UBE4A: variants seen among roughly 807,000 people sequenced by gnomAD.
The protein encoded by UBE4A is ubiquitin conjugation factor E4 A.
A neutral mutation model predicts 117.9 loss-of-function variants in UBE4A; 48 were observed. The ratio of observed to expected loss-of-function variants is 0.41; its 90% CI spans 0.32 to 0.52. UBE4A has a LOEUF of 0.52. Among genes scored for constraint, UBE4A ranks in the 20% least tolerant of loss-of-function variants. The pLI, the probability that UBE4A is intolerant of heterozygous loss-of-function variation, is 0.33. For synonymous variants in UBE4A, 407 were observed against 450.0 expected (o/e 0.90, Z 1.21); for missense variants, 1,067 against 1,296.3 (o/e 0.82, Z 2.72).
chr11:118,382,680 A>G lies in UBE4A; in HGVS notation c.2101A>G (p.Ser701Gly). 1.2e-6 allele frequency: 2 copies of G among 1,606,218 alleles called. No homozygotes were observed. The highest frequency in any genetic ancestry group is 1.7e-6 in the Non-Finnish European group (2 of 1,175,820). Residue 701 changes from serine to glycine, a missense_variant, in exon 13 of 20, where the codon AGT becomes GGT. Physicochemically the swap from Ser to Gly is moderately conservative, Grantham distance 56. This residue lies in a region of UBE4A where 1,001 missense variants were observed against 1,184.0 expected (regional missense o/e 0.85). Coordinates refer to ENST00000252108, the MANE Select transcript of UBE4A (RefSeq NM_001204077.2). ...TCAGACCCCAAATCCCTTGGTATCC[A>G]GTGTGTTCCACCGGAAACGTGTGTT... ...LDQTPNPLVS[S>G]VFHRKRVFCN...
intron 2 of UBE4A, among the ~76,000 whole-genome samples, chr11:118,366,393 TG>T (rs1003078482): frequency 2.0e-5 from 3 of 152,184 alleles, no homozygotes; most frequent in Non-Finnish European, 2.9e-5. Flanking sequence ...CTGTCACCAT[TG>T]GAGGTCAGAG....
Position 118,373,328 on chromosome 11 carries a change from G to A in UBE4A, c.924+40G>A, listed in dbSNP as rs1413921477. 2.5e-6 allele frequency: 4 copies of A among 1,597,614 alleles called. No homozygotes were observed. The Admixed American group carries it at 6.7e-5, about 27-fold the overall frequency. ...TGATATGTATTCAGTTGAGCTAGAT[G>A]TGTAATACATGATGCTTCCCTATCC... On this transcript the variant is annotated intron_variant, in intron 7 of 19. Coordinates refer to ENST00000252108, the MANE Select transcript of UBE4A (RefSeq NM_001204077.2).
Position 118,373,308 on chromosome 11 carries a change from T to G in UBE4A, c.924+20T>G, listed in dbSNP as rs1187547903. The G allele has an allele frequency of 6.2e-7, 1 of 1,608,714 alleles. No individual in the cohort carries two copies. The highest frequency in any genetic ancestry group is 8.5e-7 in the Non-Finnish European group (1 of 1,177,494). On this transcript the variant is annotated intron_variant, in intron 7 of 19. Coordinates refer to ENST00000252108, the MANE Select transcript of UBE4A (RefSeq NM_001204077.2). ...GCAAAGGTAGGTCTGAAAGATGATA[T>G]GTATTCAGTTGAGCTAGATGTGTAA... is the stretch of plus-strand genomic sequence containing the variant.
Position 118,394,772 on chromosome 11 carries a change from C to CAA in UBE4A, c.3075-1527_3075-1526dup, listed in dbSNP as rs201405273. Among the ~76,000 whole-genome samples, 202 of 105,576 alleles carry CAA rather than the reference C, an allele frequency of 1.9e-3. 1 individual carries two copies. The highest frequency in any genetic ancestry group is 3.8e-3 in the East Asian group (16 of 4,256). The allele number at this position is 105,576 out of a possible 152,430, so 69.3% of individuals were successfully genotyped here. ...CTGGGTGACAGAGCGAGACTCGTCTCAAAAAAAAAAAAAAAATTAAGTTAT... is the reference window on the plus strand; with the variant it reads ...CTGGGTGACAGAGCGAGACTCGTCTCAAAAAAAAAAAAAAAAAATTAAGTTAT... On this transcript the variant is annotated intron_variant, in intron 19 of 19. Coordinates refer to ENST00000252108, the MANE Select transcript of UBE4A (RefSeq NM_001204077.2).
chr11:118,395,175 A>G (rs570796047), intron 19 of UBE4A, among the ~76,000 whole-genome samples: 1 of 151,842 alleles, frequency 6.6e-6, no homozygotes, highest in South Asian at 2.1e-4. Context: ...CTAAAAATAC[A>G]AAAATTAGCT....
chr11:118,390,180 T>C (rs1476894847), intron 17 of UBE4A, among the ~76,000 whole-genome samples: 1 of 151,752 alleles, frequency 6.6e-6, no homozygotes, highest in Admixed American at 6.6e-5. Flanking sequence ...CAGGACTCTG[T>C]CTCTAAAAAC....
At chr11:118,386,651 T>G (rs1231224280) in intron 16 of UBE4A, 39 bp downstream of exon 16, 3 of 1,490,838 alleles carry the variant, frequency 2.0e-6, no homozygotes, top group Admixed American at 5.1e-5. Flanking sequence ...AAAAAAGTAA[T>G]GGCCAAGATC....
At chr11:118,362,420 G>A (rs775475898) in intron 1 of UBE4A, among the ~76,000 whole-genome samples, 4 of 152,114 alleles carry the variant, frequency 2.6e-5, no homozygotes, top group Non-Finnish European at 4.4e-5. Flanking sequence ...CACTGTGCCC[G>A]GCCTTCTTGA....
chr11:118,381,415 A>AT lies in UBE4A; in HGVS notation c.1905dup (p.Leu636SerfsTer10). On this transcript the variant is annotated frameshift_variant, in exon 12 of 20. Transcript: ENST00000252108. LOFTEE classifies it high-confidence loss of function. The stretch of plus-strand genomic sequence containing the variant: ...GAATTTTTTGCAGATAACCTGGGTG[A>AT]TTTTCTCATTTTTCTCCGCCGCTTT... 1 of 1,613,884 alleles carries AT rather than the reference A, an allele frequency of 6.2e-7. No individual in the cohort carries two copies. Among genetic ancestry groups the AT allele is most frequent in the African/African-American group, 1.3e-5 (1 of 75,000 alleles).
At chr11:118,381,573 C>G in intron 12 of UBE4A, 50 bp downstream of exon 12, 3 of 1,592,618 alleles carry the variant, frequency 1.9e-6, no homozygotes, top group Non-Finnish European at 2.6e-6. Flanking sequence ...GTAAAACATT[C>G]AGAAGACTTC....
In UBE4A at chr11:118,398,219, C is replaced by G. The variant is rs531486662; in HGVS notation, c.*1779C>G. 3 of 152,590 alleles carry G rather than the reference C, an allele frequency of 2.0e-5. No individual in the cohort carries two copies. Among genetic ancestry groups the G allele is most frequent in the African/African-American group, 7.2e-5 (3 of 41,556 alleles). The allele number at this position is 152,590 out of a possible 1,614,324, so 9.5% of individuals were successfully genotyped here. A position where few individuals can be genotyped will look rare whatever the true frequency, so the allele number is the denominator to read the frequency against. On this transcript the variant is annotated 3_prime_UTR_variant, in exon 20 of 20. Transcript: ENST00000252108. Reference sequence around the variant, plus strand: ...CAGGAGAAAACTGGAGGAAAATGGGCACAAAAACTCAGAAGGCAGCTATTC... The same window carrying G: ...CAGGAGAAAACTGGAGGAAAATGGGGACAAAAACTCAGAAGGCAGCTATTC...
rs751151916 is a variant in UBE4A at position 118,373,717 on chromosome 11, CT to C, written c.1116+33del. Reference sequence around the variant, plus strand: ...CTGTTTACCAGGGTATCCCAGCCCCCTGATCTTAAAAGAGTTTTCTCAGAAA... The same window carrying C: ...CTGTTTACCAGGGTATCCCAGCCCCCGATCTTAAAAGAGTTTTCTCAGAAA... On this transcript the variant is annotated intron_variant, in intron 8 of 19. Coordinates refer to ENST00000252108, the MANE Select transcript of UBE4A (RefSeq NM_001204077.2). 3.8e-6 allele frequency: 6 copies of C among 1,589,246 alleles called. No individual in the cohort carries two copies. The East Asian group carries it at 1.3e-4, about 36-fold the overall frequency.
At chr11:118,390,132 T>C (rs977082821) in intron 17 of UBE4A, among the ~76,000 whole-genome samples, 2 of 151,884 alleles carry the variant, frequency 1.3e-5, no homozygotes, top group Non-Finnish European at 2.9e-5. Context: ...GGAGGATTGC[T>C]TAAGGCCAGG....
rs5795126 is a variant in UBE4A, at chr11:118,396,547, C to CTTTTTTTTTTTTTTTTTTTTTTTTT, written c.*125_*126insTTTTTTTTTTTTTTTTTTTTTTTTT. 5 of 817,892 alleles carry CTTTTTTTTTTTTTTTTTTTTTTTTT rather than the reference C, an allele frequency of 6.1e-6. No individual in the cohort carries two copies. The highest frequency in any genetic ancestry group is 2.3e-5 in the South Asian group (1 of 43,956). 50.7% of individuals were successfully genotyped at this position (817,892 alleles called of 1,614,324 possible). A position where few individuals can be genotyped will look rare whatever the true frequency, so the allele number is the denominator to read the frequency against. On this transcript the variant is annotated 3_prime_UTR_variant, in exon 20 of 20. Coordinates refer to ENST00000252108, the MANE Select transcript of UBE4A (RefSeq NM_001204077.2). ...TCCTTTTCTTTCTTCTTTTCTTTTT[C>CTTTTTTTTTTTTTTTTTTTTTTTTT]TTTTTTTTTTTTTTTTTTACTAAAT...
intron 1 of UBE4A, among the ~76,000 whole-genome samples, chr11:118,363,869 C>T (rs1190540436): frequency 6.6e-6 from 1 of 152,122 alleles, no homozygotes; most frequent in Non-Finnish European, 1.5e-5. Context: ...CCACCTGCCT[C>T]AGCCTCCCAG....
chr11:118,398,877 C>A lies in UBE4A; in HGVS notation c.*2437C>A. On this transcript the variant is annotated 3_prime_UTR_variant, in exon 20 of 20. Transcript: ENST00000252108. ...TTTTTTAATGGTGCAAGTGAAGGTG[C>A]CAGTTGCTATTTGATATCACACTCT... The A allele has an allele frequency of 5.5e-6, 1 of 180,256 alleles. No homozygotes were observed. Among genetic ancestry groups the A allele is most frequent in the Non-Finnish European group, 1.2e-5 (1 of 82,106 alleles). The allele number at this position is 180,256 out of a possible 1,614,324, so 11.2% of individuals were successfully genotyped here. A position where few individuals can be genotyped will look rare whatever the true frequency, so the allele number is the denominator to read the frequency against.
chr11:118,372,511 C>G lies in UBE4A; in HGVS notation c.566C>G (p.Thr189Ser). The G allele has an allele frequency of 6.2e-7, 1 of 1,600,320 alleles. No individual in the cohort carries two copies. The highest frequency in any genetic ancestry group is 8.5e-7 in the Non-Finnish European group (1 of 1,176,428). Residue 189 changes from threonine (T) to serine (S), a missense_variant, in exon 6 of 20, where the codon ACC becomes AGC. By Grantham distance (58) the Thr-to-Ser change is moderately conservative (BLOSUM62 1). Transcript: ENST00000252108. ...TTTTCTTCATGCTGTTTGCAGATTA[C>G]CAAAGTTCCAGAGAACCTGCTACCC... ...SCFQRAKEEI[T>S]KVPENLLPFA...
At position 118,384,616 on chromosome 11, in the gene UBE4A, C is replaced by A. The variant is rs187122093; in HGVS notation, c.2198-19C>A. On this transcript the variant is annotated intron_variant, in intron 13 of 19. Transcript: ENST00000252108. ...TATGGCACCGCCTTTGCTGATATTT[C>A]GCTCTTGCCTTACTCCAGGAGACCC... 5.0e-6 allele frequency: 8 copies of A among 1,606,828 alleles called. No individual in the cohort carries two copies. In the Admixed American group the frequency reaches 1.3e-4, roughly 27 times the overall value.
intron 19 of UBE4A, among the ~76,000 whole-genome samples, chr11:118,395,226 G>A (rs535599149): frequency 2.6e-5 from 4 of 151,936 alleles, no homozygotes; most frequent in Non-Finnish European, 5.9e-5. Flanking sequence ...CTACTCGGGA[G>A]GCTGAGGCAG....
Sources: gnomAD v4.1 joint callset for allele counts (sites outside exome capture counted in the v4.1 genomes callset) on GRCh38, gnomAD v4.1.1 for gene constraint, gnomAD v4.1.1 regional missense constraint, MANE v1.5 for transcripts, NCBI Gene and HGNC (gene_info 2026-07-23, HGNC 2026-07-21) for gene names.